CLECL1: variants seen among roughly 807,000 people sequenced by gnomAD.
CLECL1 encodes C-type lectin-like domain family 1.
At chr12:9,705,141 C>T in the CLECL1 span, among the ~76,000 whole-genome samples, 2,521 of 152,166 alleles carry the variant, frequency 0.017, 60 homozygotes, top group African/African-American at 0.054. Context: ...TGGTTTTGAT[C>T]TGCATTTCTC....
At chr12:9,715,262 A>G (rs372240072), downstream of CLECL1, among the ~76,000 whole-genome samples, 2 of 152,166 alleles carry the variant, frequency 1.3e-5, no homozygotes, top group Admixed American at 6.5e-5. Flanking sequence ...ATCTTAACCT[A>G]TGCTGTTTAC....
downstream of CLECL1, chr12:9,722,578 G>A: frequency 1.3e-6 from 2 of 1,530,574 alleles, no homozygotes; most frequent in Non-Finnish European, 1.8e-6. Flanking sequence ...CTTTTGCCAA[G>A]TTTGTAGCAC....
At chr12:9,730,038 T>C (rs746168304) in intron 1 of CLECL1, among the ~76,000 whole-genome samples, 11 of 152,316 alleles carry the variant, frequency 7.2e-5, no homozygotes, top group African/African-American at 2.2e-4. Context: ...CTGTTTCTCC[T>C]CTTATATAAT....
chr12:9,715,660 T>G (rs956676562), downstream of CLECL1, among the ~76,000 whole-genome samples: 1 of 152,014 alleles, frequency 6.6e-6, no homozygotes, highest in African/African-American at 2.4e-5. Context: ...AATTTTTGGG[T>G]TTTTCCTCCT....
At chr12:9,712,981 G>C (rs1018844094), downstream of CLECL1, among the ~76,000 whole-genome samples, 3 of 152,192 alleles carry the variant, frequency 2.0e-5, no homozygotes, top group Non-Finnish European at 4.4e-5. Flanking sequence ...AGTTGGAGAA[G>C]GAAGGACTTT....
chr12:9,708,266 T>G, the CLECL1 span, among the ~76,000 whole-genome samples: 19 of 152,134 alleles, frequency 1.2e-4, no homozygotes, highest in Non-Finnish European at 2.4e-4. Flanking sequence ...CCTCAGAATC[T>G]CTCCCATTTT....
downstream of CLECL1, among the ~76,000 whole-genome samples, chr12:9,718,340 A>G: frequency 6.8e-6 from 1 of 148,124 alleles, no homozygotes; most frequent in Non-Finnish European, 1.5e-5. Context: ...ATTGTTGTTT[A>G]GTTCTTCTGT....
chr12:9,732,836 T>C lies in CLECL1; in HGVS notation n.82+113A>G, dbSNP rs781780802. The C allele has an allele frequency of 5.1e-5, 41 of 809,810 alleles. 1 individual carries two copies. In the Middle Eastern group the frequency reaches 7.2e-4, roughly 14 times the overall value. 50.2% of individuals were successfully genotyped at this position (809,810 alleles called of 1,614,324 possible). A position where few individuals can be genotyped will look rare whatever the true frequency, so the allele number is the denominator to read the frequency against. On this transcript the variant is annotated intron_variant and non_coding_transcript_variant, in intron 1 of 3. Transcript: ENST00000621400. ...TCTTATTCTTAGCATTCAATGAATT[T>C]TGCTTTGAATCCAATCTCCTCTTTT...
At chr12:9,708,877 G>T in the CLECL1 span, 2 of 259,766 alleles carry the variant, frequency 7.7e-6, 1 homozygote, top group South Asian at 1.1e-4. Flanking sequence ...TTCAGAATGG[G>T]CAACCAGTTC....
chr12:9,732,864 G>A (rs1461576356), intron 1 of CLECL1, 85 bp downstream of exon 1: 2 of 1,133,790 alleles, frequency 1.8e-6, no homozygotes, highest in African/African-American at 3.1e-5. Flanking sequence ...CCTCTTTTCA[G>A]TTTGGCAATT....
downstream of CLECL1, among the ~76,000 whole-genome samples, chr12:9,714,745 C>T (rs1374526137): frequency 3.3e-5 from 5 of 152,172 alleles, no homozygotes; most frequent in African/African-American, 7.2e-5. Context: ...AACTAATTCT[C>T]GGGCTACTTA....
chr12:9,720,688 A>T (rs1230086839), downstream of CLECL1, among the ~76,000 whole-genome samples: 2 of 152,076 alleles, frequency 1.3e-5, no homozygotes, highest in Non-Finnish European at 2.9e-5. Flanking sequence ...CTGCATCACA[A>T]TGGACATGAA....
the CLECL1 span, among the ~76,000 whole-genome samples, chr12:9,702,728 T>C: frequency 3.9e-5 from 6 of 152,180 alleles, no homozygotes; most frequent in Non-Finnish European, 8.8e-5. Context: ...AATAACTAAC[T>C]TTCCTCCACA....
At chr12:9,733,412 G>T, upstream of CLECL1, 1 of 567,804 alleles carries the variant, frequency 1.8e-6, no homozygotes, top group Admixed American at 3.3e-5. Flanking sequence ...CGGAAACTCT[G>T]AATTTCCAGC....
upstream of CLECL1, among the ~76,000 whole-genome samples, chr12:9,734,251 G>T (rs569563244): frequency 6.6e-6 from 1 of 152,140 alleles, no homozygotes; most frequent in Non-Finnish European, 1.5e-5. Flanking sequence ...TGGCTTTGTG[G>T]CATTTAGGGA....
At chr12:9,730,578 A>G (rs1235260220) in intron 1 of CLECL1, among the ~76,000 whole-genome samples, 1 of 152,246 alleles carries the variant, frequency 6.6e-6, no homozygotes, top group Non-Finnish European at 1.5e-5. Flanking sequence ...CAAAACATTA[A>G]AAGAAGTCCA....
At chr12:9,718,108 G>A (rs7964917), downstream of CLECL1, among the ~76,000 whole-genome samples, 1 of 151,514 alleles carries the variant, frequency 6.6e-6, no homozygotes, top group African/African-American at 2.4e-5. Context: ...AAATATTTAG[G>A]CATTTTCCAA....
At chr12:9,703,148 A>G in the CLECL1 span, among the ~76,000 whole-genome samples, 1 of 152,280 alleles carries the variant, frequency 6.6e-6, no homozygotes, top group East Asian at 1.9e-4. Flanking sequence ...TCTGACTGCA[A>G]TCCATTCTGG....
intron 3 of CLECL1, among the ~76,000 whole-genome samples, chr12:9,724,920 T>C (rs911325612): frequency 2.0e-5 from 3 of 152,140 alleles, no homozygotes; most frequent in African/African-American, 7.2e-5. Context: ...AAGATAAAAA[T>C]CTTGAAAACA....
Sources: gnomAD v4.1 joint callset for allele counts (sites outside exome capture counted in the v4.1 genomes callset) on GRCh38, gnomAD v4.1.1 for gene constraint, MANE v1.5 for transcripts, NCBI Gene and HGNC (gene_info 2026-07-23, HGNC 2026-07-21) for gene names.